The following GABRG3 variants were observed in gnomAD, a reference collection of about 807,000 sequenced individuals.
GABRG3 encodes gamma-aminobutyric acid receptor subunit gamma-3.
A neutral mutation model predicts 48.8 loss-of-function variants in GABRG3; 25 were observed. The observed-to-expected ratio is 0.51, with a 90% confidence interval of 0.37 to 0.72. GABRG3 has a LOEUF of 0.72. Among genes scored for constraint, GABRG3 ranks in the 30% least tolerant of loss-of-function variants. The probability of loss-of-function intolerance (pLI) is 0.00; values close to 1 mark genes in which losing one functional copy is unlikely to be tolerated. For missense variants in GABRG3, 394 were observed against 577.9 expected, an observed-to-expected ratio of 0.68 and a Z score of 3.26; for synonymous variants, 227 against 217.6, an observed-to-expected ratio of 1.04 and a Z score of -0.38.
chr15:27,263,014 A>G (rs556205668), intron 3 of GABRG3, among the ~76,000 whole-genome samples: 1 of 152,320 alleles, frequency 6.6e-6, no homozygotes, highest in Non-Finnish European at 1.5e-5. Context: ...TTCCCATTGT[A>G]GCCCAGGATA....
chr15:27,308,655 TA>T, intron 3 of GABRG3, among the ~76,000 whole-genome samples: 1 of 149,630 alleles, frequency 6.7e-6, no homozygotes, highest in African/African-American at 2.4e-5. Flanking sequence ...CGCTTATGTA[TA>T]AACATATAAT....
At chr15:27,398,337 T>G (rs1279477702) in intron 5 of GABRG3, among the ~76,000 whole-genome samples, 10 of 152,176 alleles carry the variant, frequency 6.6e-5, no homozygotes, top group Non-Finnish European at 4.4e-5. Flanking sequence ...GTAGGTAATA[T>G]TGCCATACTG....
At chr15:27,404,329 G>A (rs1887569827) in intron 5 of GABRG3, among the ~76,000 whole-genome samples, 1 of 152,190 alleles carries the variant, frequency 6.6e-6, no homozygotes, top group African/African-American at 2.4e-5. Context: ...GGCTGGCAAT[G>A]CCTACCTTGT....
chr15:27,424,439 G>T (rs1888227591), intron 5 of GABRG3, among the ~76,000 whole-genome samples: 1 of 152,152 alleles, frequency 6.6e-6, no homozygotes, highest in Non-Finnish European at 1.5e-5. Context: ...TCACATGGCA[G>T]GGTCGGAGGG....
chr15:27,239,993 T>C (rs1291509741), intron 3 of GABRG3, among the ~76,000 whole-genome samples: 1 of 152,222 alleles, frequency 6.6e-6, no homozygotes, highest in East Asian at 1.9e-4. Context: ...GCAGCGGATG[T>C]TAAATTCAGT....
intron 3 of GABRG3, among the ~76,000 whole-genome samples, chr15:27,181,355 A>G (rs1887926828): frequency 6.6e-6 from 1 of 152,204 alleles, no homozygotes; most frequent in African/African-American, 2.4e-5. Context: ...TTTATTTGGT[A>G]GAGGCTCAAC....
At chr15:27,258,005 A>G (rs889320897) in intron 3 of GABRG3, among the ~76,000 whole-genome samples, 1 of 152,122 alleles carries the variant, frequency 6.6e-6, no homozygotes. Flanking sequence ...TCAAAAGGGA[A>G]AATGCTATTT....
At chr15:27,173,769 C>T (rs911956376) in intron 3 of GABRG3, among the ~76,000 whole-genome samples, 1 of 151,238 alleles carries the variant, frequency 6.6e-6, no homozygotes, top group Non-Finnish European at 1.5e-5. Flanking sequence ...GTAGTACCAT[C>T]GACTCAGGAG....
chr15:27,530,535 T>G, intron 9 of GABRG3: 1 of 454,082 alleles, frequency 2.2e-6, no homozygotes, highest in Non-Finnish European at 4.5e-6. Flanking sequence ...ATAAGAGCTA[T>G]TTTCAATATT....
chr15:27,450,689 G>A (rs142274877), intron 5 of GABRG3, among the ~76,000 whole-genome samples: 124 of 152,090 alleles, frequency 8.2e-4, no homozygotes, highest in African/African-American at 2.9e-3. Context: ...GTTCAACATA[G>A]GAAGTCCTAG....
At chr15:27,264,933 A>G (rs920866385) in intron 3 of GABRG3, among the ~76,000 whole-genome samples, 8 of 152,070 alleles carry the variant, frequency 5.3e-5, no homozygotes, top group Admixed American at 3.9e-4. Context: ...TTAAAAAAAC[A>G]AAAACAACCA....
At chr15:27,138,503 TTG>T (rs1898048118) in intron 3 of GABRG3, among the ~76,000 whole-genome samples, 1 of 152,182 alleles carries the variant, frequency 6.6e-6, no homozygotes, top group South Asian at 2.1e-4. Context: ...CTCCAAAAGT[TTG>T]TAAAATATGT....
intron 5 of GABRG3, among the ~76,000 whole-genome samples, chr15:27,459,832 T>C (rs541067460): frequency 6.6e-6 from 1 of 152,294 alleles, no homozygotes; most frequent in South Asian, 2.1e-4. Context: ...TTTTCAGAAG[T>C]TTTTCCCTCT....
In GABRG3 at chr15:27,447,997, T is replaced by C. The variant is rs1259850596; in HGVS notation, c.575-32653T>C. 1.3e-5 allele frequency among the ~76,000 whole-genome samples: 2 copies of C among 152,146 alleles called. No homozygotes were observed. Among genetic ancestry groups the C allele is most frequent in the Non-Finnish European group, 2.9e-5 (2 of 68,028 alleles). On this transcript the variant is annotated intron_variant, in intron 5 of 9. Coordinates refer to ENST00000615808, the MANE Select transcript of GABRG3 (RefSeq NM_033223.5). The surrounding 1 kb of genome is among the most constrained non-coding windows in gnomAD (Gnocchi z 4.0). ...CACATGTATCCCAGAACTTAAAGTATAATAAGATAAAATACACAAATAAAT... is the reference window on the plus strand; with the variant it reads ...CACATGTATCCCAGAACTTAAAGTACAATAAGATAAAATACACAAATAAAT...
chr15:27,272,082 A>G (rs557594856), intron 3 of GABRG3, among the ~76,000 whole-genome samples: 1 of 152,330 alleles, frequency 6.6e-6, no homozygotes, highest in Non-Finnish European at 1.5e-5. Flanking sequence ...CATGGGCCAG[A>G]TACAGTCAGG....
chr15:27,026,629 G>T, intron 2 of GABRG3, 125 bp from the exon 3 acceptor site: 1 of 502,166 alleles, frequency 2.0e-6, no homozygotes, highest in East Asian at 3.3e-5. Context: ...CCCAAAGAAA[G>T]CCCTGCTCAT....
intron 5 of GABRG3, among the ~76,000 whole-genome samples, chr15:27,421,515 G>C (rs2140611409): frequency 6.6e-6 from 1 of 152,096 alleles, no homozygotes; most frequent in South Asian, 2.1e-4. Context: ...CACCAATACT[G>C]AGTGTTCTAA....
chr15:26,993,581 AT>A (rs985522929), intron 2 of GABRG3, among the ~76,000 whole-genome samples: 1 of 151,856 alleles, frequency 6.6e-6, no homozygotes, highest in Admixed American at 6.6e-5. Context: ...TAGTATTTTA[AT>A]TTTTTTGACT....
At chr15:27,337,760 A>AT (rs1202463847) in intron 5 of GABRG3, among the ~76,000 whole-genome samples, 5 of 152,192 alleles carry the variant, frequency 3.3e-5, no homozygotes, top group African/African-American at 9.7e-5. Context: ...AAATCCAACT[A>AT]TGAGATGTCT....
Sources: gnomAD v4.1 joint callset for allele counts (sites outside exome capture counted in the v4.1 genomes callset) on GRCh38, gnomAD v4.1.1 for gene constraint, Gnocchi (gnomAD v3.1) non-coding constraint, MANE v1.5 for transcripts, NCBI Gene and HGNC (gene_info 2026-07-23, HGNC 2026-07-21) for gene names.